Variants in ADK observed in about 807,000 individuals in gnomAD.
The protein encoded by ADK is N6,N6-dimethyladenosine kinase.
ADK carries 24 observed loss-of-function variants against 44.7 expected under a neutral mutation model. The ratio of observed to expected loss-of-function variants is 0.54; its 90% CI spans 0.39 to 0.76. The LOEUF (loss-of-function observed/expected upper bound fraction) is 0.76. ADK is among the 30% of genes least tolerant of loss of function. The pLI, the probability that ADK is intolerant of heterozygous loss-of-function variation, is 0.00. For synonymous variants in ADK, 128 were observed against 142.6 expected, an observed-to-expected ratio of 0.90 and a Z score of 0.73; for missense variants, 321 against 425.1, an observed-to-expected ratio of 0.76 and a Z score of 2.15.
intron 4 of ADK, among the ~76,000 whole-genome samples, chr10:74,376,776 T>C (rs1351956741): frequency 1.0e-5 from 1 of 98,988 alleles, no homozygotes; most frequent in Non-Finnish European, 2.5e-5. Flanking sequence ...CTCTCTCTCG[T>C]CTTTTTTTTT....
Position 74,195,088 on chromosome 10 carries a change from C to CG in ADK, c.66-5676_66-5675insG, listed in dbSNP as rs1243677534. 1.4e-4 allele frequency among the ~76,000 whole-genome samples: 12 copies of CG among 88,634 alleles called. No individual in the cohort carries two copies. In the East Asian group the frequency reaches 1.6e-3, roughly 12 times the overall value. The allele number at this position is 88,634 out of a possible 152,430, so 58.1% of individuals were successfully genotyped here. A position where few individuals can be genotyped will look rare whatever the true frequency, so the allele number is the denominator to read the frequency against. ...TATAAAATTACTGACCGCTCCCCCC[C>CG]CCAAAAAAAAAAGATTGTTCAGAAT... On this transcript the variant is annotated intron_variant, in intron 1 of 10. Coordinates refer to ENST00000539909, the MANE Select transcript of ADK (RefSeq NM_006721.4).
intron 6 of ADK, among the ~76,000 whole-genome samples, chr10:74,494,141 A>G (rs1847595245): frequency 6.6e-6 from 1 of 152,062 alleles, no homozygotes; most frequent in Non-Finnish European, 1.5e-5. Flanking sequence ...CAGTTTACTG[A>G]TTTTGTCCTT....
At chr10:74,349,902 G>C (rs944963727) in intron 4 of ADK, among the ~76,000 whole-genome samples, 1 of 152,170 alleles carries the variant, frequency 6.6e-6, no homozygotes, top group Admixed American at 6.5e-5. Flanking sequence ...GGAGCACCCA[G>C]ATTCATAAAA....
At chr10:74,297,559 C>T (rs747576252) in intron 3 of ADK, among the ~76,000 whole-genome samples, 5 of 152,064 alleles carry the variant, frequency 3.3e-5, no homozygotes, top group Non-Finnish European at 7.4e-5. Flanking sequence ...CATATGTTAC[C>T]ATAGGGCGAA....
intron 4 of ADK, among the ~76,000 whole-genome samples, chr10:74,375,065 G>A (rs962323097): frequency 2.0e-5 from 3 of 152,030 alleles, no homozygotes; most frequent in Admixed American, 1.3e-4. Context: ...TAATTTTATT[G>A]TGGGTGCTCA....
intron 6 of ADK, among the ~76,000 whole-genome samples, chr10:74,432,791 G>C (rs1204661565): frequency 2.4e-4 from 36 of 152,122 alleles, no homozygotes; most frequent in Admixed American, 2.4e-3. Context: ...GGAGCTGGTG[G>C]TGTGTCATCT....
chr10:74,169,651 A>G (rs981739977), intron 1 of ADK, among the ~76,000 whole-genome samples: 1 of 152,244 alleles, frequency 6.6e-6, no homozygotes, highest in Non-Finnish European at 1.5e-5. Flanking sequence ...TGTGACATAT[A>G]AGAATCTAAA....
intron 4 of ADK, among the ~76,000 whole-genome samples, chr10:74,345,618 A>AT (rs1409137027): frequency 6.6e-6 from 1 of 152,044 alleles, no homozygotes; most frequent in African/African-American, 2.4e-5. Flanking sequence ...TGCATGATAT[A>AT]TTTTTCCACC....
At position 74,153,239 on chromosome 10, in the gene ADK, A is replaced by G. The variant is rs111961784; in HGVS notation, c.65+1896A>G. Among the ~76,000 whole-genome samples the G allele has an allele frequency of 6.6e-5, 10 of 152,284 alleles. 1 individual carries two copies. The highest frequency in any genetic ancestry group is 2.4e-4 in the African/African-American group (10 of 41,544). On this transcript the variant is annotated intron_variant, in intron 1 of 10. Coordinates refer to ENST00000539909, the MANE Select transcript of ADK (RefSeq NM_006721.4). ...GTCAGCTCTGGGATAATAATTCTCC[A>G]CCAGGGGAAATTTTGCCCTCCAGGG...
intron 9 of ADK, among the ~76,000 whole-genome samples, chr10:74,631,407 G>C (rs1853416528): frequency 6.7e-6 from 1 of 150,232 alleles, no homozygotes. Context: ...CCCATGCCCA[G>C]CTAATTTTTT....
Position 74,371,570 on chromosome 10 carries a change from G to A in ADK, c.274-22571G>A, listed in dbSNP as rs1842658878. The A allele has an allele frequency of 2.5e-6, 3 of 1,207,956 alleles. No individual in the cohort carries two copies. In the Admixed American group the frequency reaches 5.1e-5, roughly 21 times the overall value. 74.8% of individuals were successfully genotyped at this position (1,207,956 alleles called of 1,614,324 possible). A position where few individuals can be genotyped will look rare whatever the true frequency, so the allele number is the denominator to read the frequency against. ...CCCTTGATGTCCTGCAAATGAAGGA[G>A]GAGGATGTCCTTAAGTTCCTTGCAG... On this transcript the variant is annotated intron_variant, in intron 4 of 10. Transcript: ENST00000539909.
intron 10 of ADK, among the ~76,000 whole-genome samples, chr10:74,687,924 C>A (rs1855852370): frequency 6.6e-6 from 1 of 152,186 alleles, no homozygotes; most frequent in African/African-American, 2.4e-5. Flanking sequence ...CCAAAATAAT[C>A]ACTTTAGGAA....
chr10:74,670,938 T>G (rs1855147667), intron 10 of ADK, among the ~76,000 whole-genome samples: 1 of 151,612 alleles, frequency 6.6e-6, no homozygotes, highest in South Asian at 2.1e-4. Flanking sequence ...TAAGCTAGTT[T>G]ATAGTCTCTA....
At chr10:74,347,050 T>C (rs1381304196) in intron 4 of ADK, among the ~76,000 whole-genome samples, 1 of 134,542 alleles carries the variant, frequency 7.4e-6, no homozygotes, top group African/African-American at 3.0e-5. Context: ...GAGCTTGCAA[T>C]GAGCAGAGAT....
rs796691533 is a variant in ADK, at chr10:74,541,796, C to A, written c.726+16370C>A. ...TTACAGAACGAGAACCCCCACACAC[C>A]CCCCCCCCCTAAAAAAAAACAACAC... is the stretch of plus-strand genomic sequence containing the variant. On this transcript the variant is annotated intron_variant, in intron 7 of 10. Transcript: ENST00000539909. Among the ~76,000 whole-genome samples the A allele has an allele frequency of 2.7e-4, 29 of 108,384 alleles. 2 individuals are homozygous for A. The highest frequency in any genetic ancestry group is 1.2e-3 in the East Asian group (4 of 3,476). The allele number at this position is 108,384 out of a possible 152,430, so 71.1% of individuals were successfully genotyped here.
intron 4 of ADK, among the ~76,000 whole-genome samples, chr10:74,315,664 CT>C (rs1840594442): frequency 1.3e-5 from 2 of 152,110 alleles, no homozygotes; most frequent in Admixed American, 6.5e-5. Flanking sequence ...CCCTTGAATT[CT>C]GATTAACTTC....
intron 5 of ADK, among the ~76,000 whole-genome samples, chr10:74,398,021 T>C (rs1843579279): frequency 6.6e-6 from 1 of 152,246 alleles, no homozygotes; most frequent in African/African-American, 2.4e-5. Flanking sequence ...TTTTACGAAA[T>C]TAATTCCATA....
chr10:74,172,137 CTTTTT>C (rs3998223), intron 1 of ADK, among the ~76,000 whole-genome samples: 1 of 122,688 alleles, frequency 8.2e-6, no homozygotes. Flanking sequence ...CATGGATTTT[CTTTTT>C]TTTTTTTTTT....
intron 1 of ADK, among the ~76,000 whole-genome samples, chr10:74,166,188 C>T (rs1265069156): frequency 6.6e-6 from 1 of 152,228 alleles, no homozygotes; most frequent in Non-Finnish European, 1.5e-5. Flanking sequence ...GATCTGCCCG[C>T]CTCGGCCTCC....
Sources: allele counts gnomAD v4.1 joint callset (sites outside exome capture counted in the v4.1 genomes callset), GRCh38; gene constraint gnomAD v4.1.1; transcripts MANE v1.5; gene names NCBI Gene and HGNC (gene_info 2026-07-23, HGNC 2026-07-21).